The following PPP2R5B variants were observed in gnomAD, a reference collection of about 807,000 sequenced individuals.
The protein encoded by PPP2R5B is serine/threonine-protein phosphatase 2A 56 kDa regulatory subunit beta isoform.
PPP2R5B carries 19 observed loss-of-function variants against 59.9 expected under a neutral mutation model. The observed-to-expected ratio is 0.32, with a 90% CI of 0.22 to 0.47. The LOEUF (loss-of-function observed/expected upper bound fraction) is 0.47, where lower values mean the gene tolerates loss of function less well. Among genes scored for constraint, PPP2R5B ranks in the 20% least tolerant of loss-of-function variants. The pLI is 1.00. For synonymous variants in PPP2R5B, 286 were observed against 260.5 expected (o/e 1.10, Z -0.94); for missense variants, 441 against 640.2 (o/e 0.69, Z 3.36).
chr11:64,922,748 G>A (rs138959651), upstream of PPP2R5B, among the ~76,000 whole-genome samples: 579 of 151,626 alleles, frequency 3.8e-3, 3 homozygotes, highest in African/African-American at 0.013. Flanking sequence ...GGTGGTGGGC[G>A]CCTGAAGTCC....
chr11:64,931,468 G>A lies in PPP2R5B; in HGVS notation c.924G>A (p.Lys308=). 6.2e-7 allele frequency: 1 copy of A among 1,614,146 alleles called. No homozygotes were observed. Among genetic ancestry groups the A allele is most frequent in the East Asian group, 2.2e-5 (1 of 44,884 alleles). Residue 308 remains lysine, a synonymous_variant, in exon 9 of 14, where the codon AAG becomes AAA. Coordinates refer to ENST00000164133, the MANE Select transcript of PPP2R5B (RefSeq NM_006244.4). This position sits in a 1 kb window ranked among gnomAD's most constrained non-coding sequence, Gnocchi z 5.0. The stretch of plus-strand genomic sequence containing the variant: ...ACTGTGTGGTGCAGTTCCTGGAGAA[G>A]GATGCCACTCTGACAGAGCACGTGA... ...LAYCVVQFLE[K]DATLTEHVIR...
Position 64,931,955 on chromosome 11 carries a change from T to G in PPP2R5B, c.1116+87T>G. The G allele has an allele frequency of 1.9e-6, 3 of 1,541,744 alleles. No individual in the cohort carries two copies. The highest frequency in any genetic ancestry group is 2.6e-6 in the Non-Finnish European group (3 of 1,144,726). On this transcript the variant is annotated intron_variant, in intron 11 of 13. Coordinates refer to ENST00000164133, the MANE Select transcript of PPP2R5B (RefSeq NM_006244.4). The surrounding 1 kb of genome is among the most constrained non-coding windows in gnomAD (Gnocchi z 5.0). ...CTAATAAAGCTCCCTTTGCCCTCAG[T>G]TTCTCCTCCAATCCCGGGTCTGGTA...
At chr11:64,924,063 AC>A (rs1945133289), upstream of PPP2R5B, 2 of 151,236 alleles carry the variant, frequency 1.3e-5, no homozygotes, top group Admixed American at 6.6e-5. Context: ...CAAGGAGAAA[AC>A]CTCCTCCTCT....
intron 7 of PPP2R5B, 46 bp from the exon 8 acceptor site, chr11:64,930,435 G>A (rs1945216333): frequency 2.5e-6 from 4 of 1,613,540 alleles, no homozygotes; most frequent in Non-Finnish European, 3.4e-6. Flanking sequence ...GAGGGACTGG[G>A]GCCAGGTCAC....
In PPP2R5B at chr11:64,931,665, A is replaced by G. The variant is rs367996418; in HGVS notation, c.996+56A>G. 58 of 1,613,584 alleles carry G rather than the reference A, an allele frequency of 3.6e-5. No individual in the cohort carries two copies. The African/African-American group carries it at 7.1e-4, about 20-fold the overall frequency. On this transcript the variant is annotated intron_variant, in intron 10 of 13. Coordinates refer to ENST00000164133, the MANE Select transcript of PPP2R5B (RefSeq NM_006244.4). The surrounding 1 kb of genome is among the most constrained non-coding windows in gnomAD (Gnocchi z 5.0). ...GGGAGGCTGGGAGGGCTCGGCCTCT[A>G]GAAGGCAGTCAGGTGTGTGTATGTG...
intron 1 of PPP2R5B, among the ~76,000 whole-genome samples, chr11:64,919,381 T>A (rs601805): frequency 1.3e-5 from 2 of 151,490 alleles, no homozygotes; most frequent in East Asian, 1.9e-4. Flanking sequence ...GGAAGGAATC[T>A]AGAGCTCTGC....
intron 11 of PPP2R5B, among the ~76,000 whole-genome samples, chr11:64,932,082 T>C (rs143205185): frequency 1.9e-3 from 295 of 152,308 alleles, no homozygotes; most frequent in African/African-American, 6.4e-3. Flanking sequence ...ACCACTCTGA[T>C]TCTGATTAAG....
At position 64,925,786 on chromosome 11, in the gene PPP2R5B, G is replaced by A. The variant is rs1369331128; in HGVS notation, c.52G>A (p.Gly18Arg). 1.3e-5 allele frequency: 8 copies of A among 618,154 alleles called. No homozygotes were observed. Among genetic ancestry groups the A allele is most frequent in the East Asian group, 7.3e-5 (1 of 13,654 alleles). The allele number at this position is 618,154 out of a possible 1,614,324, so 38.3% of individuals were successfully genotyped here. A position where few individuals can be genotyped will look rare whatever the true frequency, so the allele number is the denominator to read the frequency against. ...ASTPTSPSSPGLSPVPPPDKV... is the reference protein window; with the variant it reads ...ASTPTSPSSPRLSPVPPPDKV... ...CACCCCCACTAGCCCCTCCTCCCCC[G>A]GGCTGTCGCCTGTGCCCCCACCCGA... Residue 18 changes from glycine (G) to arginine (R), a missense_variant, in exon 2 of 14, where the codon GGG becomes AGG. Physicochemically the swap from Gly to Arg is moderately radical, Grantham distance 125. Around this residue, in one of 3 missense-constraint regions of PPP2R5B, gnomAD observed 103 missense variants for 87.9 expected, o/e 1.17. Transcript: ENST00000164133. The surrounding 1 kb of genome is among the most constrained non-coding windows in gnomAD (Gnocchi z 4.6).
chr11:64,923,280 A>T (rs569800167), upstream of PPP2R5B, among the ~76,000 whole-genome samples: 4 of 152,338 alleles, frequency 2.6e-5, no homozygotes, highest in Admixed American at 1.3e-4. Flanking sequence ...ACGCTGTGTG[A>T]CACTGGGCAA....
At position 64,925,703 on chromosome 11, in the gene PPP2R5B, G is replaced by A. The variant is rs1233904341; in HGVS notation, c.-32G>A. ...CCCAGGCCCAGAGAGAACCCCCGGG[G>A]CTCTGAAAGCTTGCCCTGCCGCCTG... On this transcript the variant is annotated 5_prime_UTR_variant, in exon 2 of 14. Transcript: ENST00000164133. This position sits in a 1 kb window ranked among gnomAD's most constrained non-coding sequence, Gnocchi z 4.6. 3.4e-6 allele frequency: 5 copies of A among 1,454,714 alleles called. No individual in the cohort carries two copies. Among genetic ancestry groups the A allele is most frequent in the Non-Finnish European group, 4.8e-6 (5 of 1,050,820 alleles). 90.1% of individuals were successfully genotyped at this position (1,454,714 alleles called of 1,614,324 possible).
upstream of PPP2R5B, among the ~76,000 whole-genome samples, chr11:64,920,401 G>A (rs1334396385): frequency 6.6e-6 from 1 of 152,172 alleles, no homozygotes; most frequent in Non-Finnish European, 1.5e-5. Flanking sequence ...CACAGCAGAA[G>A]ATTAGACAGG....
upstream of PPP2R5B, among the ~76,000 whole-genome samples, chr11:64,922,740 TG>T (rs1334346557): frequency 6.6e-6 from 1 of 151,564 alleles, no homozygotes; most frequent in African/African-American, 2.4e-5. Flanking sequence ...CTGGGCTTGG[TG>T]GTGGGCGCCT....
In PPP2R5B at chr11:64,931,343, G is replaced by A; in HGVS notation, c.892-93G>A. 6.6e-6 allele frequency: 9 copies of A among 1,360,070 alleles called. No homozygotes were observed. The highest frequency in any genetic ancestry group is 9.3e-6 in the Non-Finnish European group (9 of 964,794). 84.3% of individuals were successfully genotyped at this position (1,360,070 alleles called of 1,614,324 possible). A position where few individuals can be genotyped will look rare whatever the true frequency, so the allele number is the denominator to read the frequency against. On this transcript the variant is annotated intron_variant, in intron 8 of 13. Transcript: ENST00000164133. The surrounding 1 kb of genome is among the most constrained non-coding windows in gnomAD (Gnocchi z 5.0). ...TAAGAAAGTAACAGGCCGTGGGTGA[G>A]CAGTATTTGGCATTCTGTCCTGGAC...
At chr11:64,933,654 G>A in intron 13 of PPP2R5B, 43 bp from the exon 14 acceptor site, 1 of 1,531,888 alleles carries the variant, frequency 6.5e-7, no homozygotes, top group Non-Finnish European at 8.8e-7. Flanking sequence ...TCTGGACTGT[G>A]GGGGGCCCCA....
Position 64,925,960 on chromosome 11 carries a change from A to G in PPP2R5B, c.199+27A>G, listed in dbSNP as rs1590676031. On this transcript the variant is annotated intron_variant, in intron 2 of 13. Coordinates refer to ENST00000164133, the MANE Select transcript of PPP2R5B (RefSeq NM_006244.4). This position sits in a 1 kb window ranked among gnomAD's most constrained non-coding sequence, Gnocchi z 4.6. ...TGAGCTGGCTGCTGGCCACTGGGGG[A>G]ACCGAACCCCCGAGGGGACCAGCAG... is the stretch of plus-strand genomic sequence containing the variant. 1 of 1,600,644 alleles carries G rather than the reference A, an allele frequency of 6.2e-7. No individual in the cohort carries two copies. The highest frequency in any genetic ancestry group is 1.7e-5 in the Admixed American group (1 of 58,920).
At chr11:64,922,262 T>A (rs1442770087), upstream of PPP2R5B, among the ~76,000 whole-genome samples, 1 of 151,868 alleles carries the variant, frequency 6.6e-6, no homozygotes, top group East Asian at 1.9e-4. Context: ...GGCGAATGGA[T>A]CGCTTGAGCT....
chr11:64,923,067 T>G (rs1438402410), upstream of PPP2R5B: 2 of 152,172 alleles, frequency 1.3e-5, no homozygotes. Flanking sequence ...TTATGTGATC[T>G]TCCCACCTCA....
chr11:64,931,165 G>A lies in PPP2R5B; in HGVS notation c.892-271G>A, dbSNP rs546074546. ...CAAAGTGCTTGGATTACAGGCGTGA[G>A]CCACCACACTAGCCATATTATGGAA... On this transcript the variant is annotated intron_variant, in intron 8 of 13. Transcript: ENST00000164133. The surrounding 1 kb of genome is among the most constrained non-coding windows in gnomAD (Gnocchi z 5.0). 1.5e-4 allele frequency among the ~76,000 whole-genome samples: 23 copies of A among 152,192 alleles called. No homozygotes were observed. In the South Asian group the frequency reaches 4.6e-3, roughly 30 times the overall value.
chr11:64,930,701 T>C, intron 8 of PPP2R5B, 112 bp downstream of exon 8: 2 of 914,038 alleles, frequency 2.2e-6, no homozygotes, highest in Non-Finnish European at 3.4e-6. Flanking sequence ...TTTGTCTTTA[T>C]AATTCTGTTC....
Sources: allele counts gnomAD v4.1 joint callset (sites outside exome capture counted in the v4.1 genomes callset), GRCh38; gene constraint gnomAD v4.1.1; regional missense constraint gnomAD v4.1.1; non-coding constraint Gnocchi (gnomAD v3.1); transcripts MANE v1.5; gene names NCBI Gene and HGNC (gene_info 2026-07-23, HGNC 2026-07-21).